The following BRAF variants were observed in gnomAD, a reference collection of about 807,000 sequenced individuals.
BRAF encodes the protein serine/threonine-protein kinase B-raf.
BRAF carries 16 observed loss-of-function variants against 104.6 expected under a neutral mutation model. The ratio of observed to expected loss-of-function variants is 0.15; its 90% CI spans 0.10 to 0.23. BRAF has a LOEUF of 0.23. Ranked by LOEUF, BRAF falls within the 10% of genes least tolerant of loss-of-function variation. The pLI is 1.00. For missense variants in BRAF, 541 were observed against 937.3 expected (o/e 0.58, Z 5.52); for synonymous variants, 310 against 341.6 (o/e 0.91, Z 1.02).
At chr7:140,774,531 G>A (rs928295119) in intron 14 of BRAF, among the ~76,000 whole-genome samples, 1 of 152,108 alleles carries the variant, frequency 6.6e-6, no homozygotes, top group Non-Finnish European at 1.5e-5. Context: ...CAGCCTGTTT[G>A]TTTTGGGACA....
In BRAF at chr7:140,788,061, T is replaced by A. The variant is rs577810331; in HGVS notation, c.1141-477A>T. Among the ~76,000 whole-genome samples, 244 of 152,258 alleles carry A rather than the reference T, an allele frequency of 1.6e-3. 2 individuals carry two copies. Among genetic ancestry groups the A allele is most frequent in the African/African-American group, 5.3e-3 (222 of 41,560 alleles). On this transcript the variant is annotated intron_variant, in intron 8 of 19. Coordinates refer to ENST00000644969, the MANE Select transcript of BRAF (RefSeq NM_001374258.1). ...TGTGCTTCATACCGAGGTAATGGGATAATCTGTGTGGCAAACCGCTGTGGC... is the reference window on the plus strand; with the variant it reads ...TGTGCTTCATACCGAGGTAATGGGAAAATCTGTGTGGCAAACCGCTGTGGC...
chr7:140,726,710 G>C (rs552687733), intron 19 of BRAF, among the ~76,000 whole-genome samples: 2 of 152,276 alleles, frequency 1.3e-5, no homozygotes, highest in Admixed American at 1.3e-4. Flanking sequence ...ACAGAATATG[G>C]TTCAGCTCTA....
chr7:140,781,551 C>G (rs2129023377), intron 12 of BRAF, 25 bp downstream of exon 11: 1 of 1,577,580 alleles, frequency 6.3e-7, no homozygotes, highest in East Asian at 2.2e-5. Flanking sequence ...TGACTTGTCA[C>G]AATGTCACCA....
At chr7:140,848,171 C>A (rs1409249497) in intron 2 of BRAF, among the ~76,000 whole-genome samples, 1 of 151,876 alleles carries the variant, frequency 6.6e-6, no homozygotes, top group African/African-American at 2.4e-5. Flanking sequence ...ATATTTAGCC[C>A]AAATAAGAAA....
At chr7:140,869,842 A>G (rs1370946925) in intron 1 of BRAF, among the ~76,000 whole-genome samples, 1 of 152,218 alleles carries the variant, frequency 6.6e-6, no homozygotes, top group African/African-American at 2.4e-5. Context: ...TTCTGCACTA[A>G]AACAAAATTC....
chr7:140,882,446 G>T (rs1002441105), intron 1 of BRAF, among the ~76,000 whole-genome samples: 15 of 150,470 alleles, frequency 1.0e-4, no homozygotes, highest in African/African-American at 3.4e-4. Context: ...CACGATCTCG[G>T]CTCACTGCAA....
chr7:140,839,229 C>T (rs991953138), intron 2 of BRAF, among the ~76,000 whole-genome samples: 16 of 152,126 alleles, frequency 1.1e-4, no homozygotes, highest in African/African-American at 3.9e-4. Context: ...AATCCCAGCT[C>T]TTTGGGAGGT....
At chr7:140,898,312 C>A (rs1316914496) in intron 1 of BRAF, among the ~76,000 whole-genome samples, 1 of 150,806 alleles carries the variant, frequency 6.6e-6, no homozygotes, top group Non-Finnish European at 1.5e-5. Flanking sequence ...AGGCCTGCCT[C>A]TTAAAAAAGA....
intron 1 of BRAF, among the ~76,000 whole-genome samples, chr7:140,901,364 G>A (rs1815607972): frequency 6.6e-6 from 1 of 152,098 alleles, no homozygotes; most frequent in South Asian, 2.1e-4. Context: ...CATTCACAAA[G>A]GTAATAACCA....
chr7:140,748,065 TCAAA>T (rs1327079452), intron 17 of BRAF, among the ~76,000 whole-genome samples: 1 of 152,160 alleles, frequency 6.6e-6, no homozygotes, highest in Admixed American at 6.5e-5. Flanking sequence ...TTAAAAACCA[TCAAA>T]CACAGTCAAG....
At chr7:140,765,609 AAC>A (rs1799235245) in intron 14 of BRAF, among the ~76,000 whole-genome samples, 1 of 152,290 alleles carries the variant, frequency 6.6e-6, no homozygotes, top group East Asian at 1.9e-4. Context: ...ACAAGAAAAA[AAC>A]AAACAACCCT....
Position 140,739,801 on chromosome 7 carries a change from C to G in BRAF, c.2247+11G>C, listed in dbSNP as rs769263015. On this transcript the variant is annotated intron_variant, in intron 18 of 19. Coordinates refer to ENST00000644969, the MANE Select transcript of BRAF (RefSeq NM_001374258.1). Reference sequence around the variant, plus strand: ...GTCTGTTCTTTTGGATAGCATGAAGCTTTTACTTACTTGGGGAAAGAGTGG... The same window carrying G: ...GTCTGTTCTTTTGGATAGCATGAAGGTTTTACTTACTTGGGGAAAGAGTGG... 1.2e-6 allele frequency: 2 copies of G among 1,611,706 alleles called. No individual in the cohort carries two copies. The highest frequency in any genetic ancestry group is 1.7e-6 in the Non-Finnish European group (2 of 1,179,884).
At chr7:140,783,810 A>G (rs1031131796) in intron 10 of BRAF, among the ~76,000 whole-genome samples, 1 of 152,240 alleles carries the variant, frequency 6.6e-6, no homozygotes, top group African/African-American at 2.4e-5. Context: ...AAAGCCGGGC[A>G]TATTTCTCAA....
intron 16 of BRAF, among the ~76,000 whole-genome samples, chr7:140,751,982 T>C (rs551346838): frequency 1.3e-5 from 2 of 152,316 alleles, no homozygotes; most frequent in Admixed American, 1.3e-4. Flanking sequence ...CTCAGGACTC[T>C]TTTTCACTCT....
intron 19 of BRAF, chr7:140,731,360 C>G (rs1049397921): frequency 1.1e-4 from 17 of 152,056 alleles, no homozygotes; most frequent in African/African-American, 4.1e-4. Flanking sequence ...ATAGACACAT[C>G]GAGTCTTTTA....
chr7:140,917,189 T>C (rs1817720722), intron 1 of BRAF, among the ~76,000 whole-genome samples: 1 of 152,148 alleles, frequency 6.6e-6, no homozygotes, highest in Non-Finnish European at 1.5e-5. Context: ...GCCTCCCAGG[T>C]AGCTGGGATT....
chr7:140,888,303 C>G (rs1266049014), intron 1 of BRAF, among the ~76,000 whole-genome samples: 1 of 152,176 alleles, frequency 6.6e-6, no homozygotes, highest in Non-Finnish European at 1.5e-5. Flanking sequence ...TCTCCTCTTG[C>G]ATTTATCTCA....
chr7:140,803,994 C>A (rs944283835), intron 5 of BRAF, among the ~76,000 whole-genome samples: 1 of 152,058 alleles, frequency 6.6e-6, no homozygotes. Context: ...AAGTGATTCT[C>A]CTGCCTCAGC....
Position 140,719,607 on chromosome 7 carries a change from ATG to A in BRAF, c.*6885_*6886del, listed in dbSNP as rs2130814330. ...AGAACCAAAGTATCAGGAAGTGGGTATGGGGGAGAATTAAAAAAAATAATAAA... is the reference window on the plus strand; with the variant it reads ...AGAACCAAAGTATCAGGAAGTGGGTAGGGGAGAATTAAAAAAAATAATAAA... On this transcript the variant is annotated 3_prime_UTR_variant, in exon 20 of 20. Transcript: ENST00000644969. 9.4e-7 allele frequency: 1 copy of A among 1,059,988 alleles called. No homozygotes were observed. The highest frequency in any genetic ancestry group is 1.6e-5 in the African/African-American group (1 of 60,976). The allele number at this position is 1,059,988 out of a possible 1,614,324, so 65.7% of individuals were successfully genotyped here. A position where few individuals can be genotyped will look rare whatever the true frequency, so the allele number is the denominator to read the frequency against.
Sources: gnomAD v4.1 joint callset for allele counts (sites outside exome capture counted in the v4.1 genomes callset) on GRCh38, gnomAD v4.1.1 for gene constraint, MANE v1.5 for transcripts, NCBI Gene and HGNC (gene_info 2026-07-23, HGNC 2026-07-21) for gene names.